Variants in SPATA17 observed in about 807,000 individuals in gnomAD.
SPATA17 encodes spermatogenesis associated 17.
A neutral mutation model predicts 62.2 loss-of-function variants in SPATA17; 53 were observed. The ratio of observed to expected loss-of-function variants is 0.85; its 90% CI spans 0.68 to 1.07. The LOEUF (loss-of-function observed/expected upper bound fraction) is 1.07, where lower values mean the gene tolerates loss of function less well. SPATA17 is among the 50% of genes least tolerant of loss of function. SPATA17 has a pLI of 0.00. For missense variants in SPATA17, 466 were observed against 425.5 expected, an observed-to-expected ratio of 1.10 and a Z score of -0.84; for synonymous variants, 146 against 146.8, an observed-to-expected ratio of 0.99 and a Z score of 0.04.
At chr1:217,677,298 T>G (rs1053547939) in intron 4 of SPATA17, among the ~76,000 whole-genome samples, 2 of 152,074 alleles carry the variant, frequency 1.3e-5, no homozygotes, top group African/African-American at 4.8e-5. Context: ...ACAAAAAAAG[T>G]TAGAAAAGAT....
Position 217,869,110 on chromosome 1 carries a change from T to C in SPATA17, c.*2091T>C, listed in dbSNP as rs570691083. The C allele has an allele frequency of 6.0e-4, 92 of 152,390 alleles. No individual in the cohort carries two copies. The highest frequency in any genetic ancestry group is 2.1e-3 in the African/African-American group (89 of 41,568). 9.4% of individuals were successfully genotyped at this position (152,390 alleles called of 1,614,324 possible). A position where few individuals can be genotyped will look rare whatever the true frequency, so the allele number is the denominator to read the frequency against. On this transcript the variant is annotated 3_prime_UTR_variant, in exon 11 of 11. Coordinates refer to ENST00000366933, the MANE Select transcript of SPATA17 (RefSeq NM_138796.4). ...GTGGTCAAGCTATACAACTTGGTTT[T>C]ATACATTTTAAGGAGACATAAGACA...
chr1:217,676,066 T>C (rs1275232766), intron 4 of SPATA17, among the ~76,000 whole-genome samples: 1 of 152,180 alleles, frequency 6.6e-6, no homozygotes, highest in African/African-American at 2.4e-5. Context: ...GAATTCTAAA[T>C]TAAGTGACAA....
intron 9 of SPATA17, among the ~76,000 whole-genome samples, chr1:217,833,786 G>A (rs1021663023): frequency 6.6e-6 from 1 of 152,072 alleles, no homozygotes; most frequent in African/African-American, 2.4e-5. Flanking sequence ...ACATGAAATT[G>A]TATAAAAGTA....
chr1:217,737,881 A>C (rs1202081123), intron 5 of SPATA17: 1 of 149,096 alleles, frequency 6.7e-6, no homozygotes, highest in Non-Finnish European at 1.5e-5. Context: ...CCTGGAGTGC[A>C]GTGGTGCGAT....
At chr1:217,791,210 T>C (rs1267072651) in intron 8 of SPATA17, among the ~76,000 whole-genome samples, 2 of 152,198 alleles carry the variant, frequency 1.3e-5, no homozygotes, top group Non-Finnish European at 2.9e-5. Context: ...GGAGAGGTAG[T>C]TACTGTGCAA....
At chr1:217,681,268 T>C (rs1671079275) in intron 4 of SPATA17, among the ~76,000 whole-genome samples, 1 of 151,964 alleles carries the variant, frequency 6.6e-6, no homozygotes, top group Non-Finnish European at 1.5e-5. Flanking sequence ...AAAGTTATTT[T>C]CTCTGATTTA....
At chr1:217,700,762 C>CTTTTTTTT (rs71556698) in intron 5 of SPATA17, among the ~76,000 whole-genome samples, 18 of 134,792 alleles carry the variant, frequency 1.3e-4, no homozygotes, top group East Asian at 4.3e-4. Context: ...TTTTCTTTTT[C>CTTTTTTTT]TTTTTTTTTT....
chr1:217,746,541 G>T (rs1179278975), intron 6 of SPATA17, among the ~76,000 whole-genome samples: 4 of 143,872 alleles, frequency 2.8e-5, no homozygotes, highest in African/African-American at 9.9e-5. Flanking sequence ...TTCAGATATA[G>T]ATGATATAAG....
rs1676080034 is a variant in SPATA17 at position 217,869,189 on chromosome 1, T to G, written c.*2170T>G. On this transcript the variant is annotated 3_prime_UTR_variant, in exon 11 of 11. Transcript: ENST00000366933. The stretch of plus-strand genomic sequence containing the variant: ...GTTCAGTCTGGAAAGGCAGGATGCC[T>G]CAAACTTGAAACAAGAGAATGGGGG... 1 of 152,394 alleles carries G rather than the reference T, an allele frequency of 6.6e-6. No homozygotes were observed. Among genetic ancestry groups the G allele is most frequent in the African/African-American group, 2.4e-5 (1 of 41,440 alleles). 9.4% of individuals were successfully genotyped at this position (152,394 alleles called of 1,614,324 possible). A position where few individuals can be genotyped will look rare whatever the true frequency, so the allele number is the denominator to read the frequency against.
chr1:217,828,721 T>C (rs1675061813), intron 9 of SPATA17, among the ~76,000 whole-genome samples: 1 of 151,978 alleles, frequency 6.6e-6, no homozygotes, highest in African/African-American at 2.4e-5. Flanking sequence ...AATATTCAGA[T>C]TTTATAAAGA....
chr1:217,650,426 C>G (rs1571704971), intron 2 of SPATA17, among the ~76,000 whole-genome samples: 1 of 151,714 alleles, frequency 6.6e-6, no homozygotes. Flanking sequence ...CTTTCTCTCT[C>G]TTTTTTTTGA....
chr1:217,768,925 C>T (rs1673369039), intron 6 of SPATA17, among the ~76,000 whole-genome samples: 1 of 152,160 alleles, frequency 6.6e-6, no homozygotes, highest in Admixed American at 6.5e-5. Flanking sequence ...AATAGTCAAT[C>T]ACAAAACCAT....
chr1:217,647,721 T>A (rs921529055), intron 1 of SPATA17, among the ~76,000 whole-genome samples: 3 of 150,132 alleles, frequency 2.0e-5, no homozygotes, highest in Non-Finnish European at 2.9e-5. Context: ...AGCCTCTTTT[T>A]AAAATTTTTT....
intron 5 of SPATA17, among the ~76,000 whole-genome samples, chr1:217,711,176 T>C (rs1019112332): frequency 5.9e-5 from 9 of 152,212 alleles, no homozygotes; most frequent in African/African-American, 1.9e-4. Context: ...GTGGTACATG[T>C]ACAGGTTTGT....
At chr1:217,773,766 C>A (rs972213671) in intron 6 of SPATA17, among the ~76,000 whole-genome samples, 6 of 151,798 alleles carry the variant, frequency 4.0e-5, no homozygotes, top group African/African-American at 1.5e-4. Flanking sequence ...AGTATTATAG[C>A]CTATATTATA....
intron 9 of SPATA17, among the ~76,000 whole-genome samples, chr1:217,824,319 T>C (rs1039680959): frequency 6.6e-6 from 1 of 151,932 alleles, no homozygotes; most frequent in Non-Finnish European, 1.5e-5. Flanking sequence ...TGTTCTTTTA[T>C]ATATTATGTT....
chr1:217,774,598 T>C (rs1673543970), intron 7 of SPATA17, 61 bp downstream of exon 7: 1 of 1,369,276 alleles, frequency 7.3e-7, no homozygotes, highest in Non-Finnish European at 1.0e-6. Context: ...TTTTGCACTT[T>C]TTATATAACA....
intron 6 of SPATA17, among the ~76,000 whole-genome samples, chr1:217,752,823 T>G (rs1425709669): frequency 6.6e-6 from 1 of 152,172 alleles, no homozygotes; most frequent in Non-Finnish European, 1.5e-5. Context: ...CCTATTGCAA[T>G]GAAGCCCCTG....
intron 6 of SPATA17, among the ~76,000 whole-genome samples, chr1:217,749,985 C>CTCTCTCTCTCTCTCTCTATATATATATA: frequency 8.1e-5 from 1 of 12,314 alleles, no homozygotes; most frequent in Non-Finnish European, 1.6e-4. Context: ...CTCTCTCTCT[C>CTCTCTCTCTCTCTCTCTATATATATATA]TATATATATA....
Sources: gnomAD v4.1 joint callset for allele counts (sites outside exome capture counted in the v4.1 genomes callset) on GRCh38, gnomAD v4.1.1 for gene constraint, MANE v1.5 for transcripts, NCBI Gene and HGNC (gene_info 2026-07-23, HGNC 2026-07-21) for gene names.